Variants in DAB1 observed in about 807,000 individuals in gnomAD.
DAB1 encodes DAB adaptor protein 1, also known as disabled homolog 1.
In DAB1, 15 loss-of-function variants were observed where a neutral mutation model predicts 64.6. That is an observed-to-expected ratio of 0.23 (90% CI 0.16 to 0.36). The LOEUF (loss-of-function observed/expected upper bound fraction) is 0.36. Among genes scored for constraint, DAB1 ranks in the 10% least tolerant of loss-of-function variants. The pLI, the probability that DAB1 is intolerant of heterozygous loss-of-function variation, is 1.00. For synonymous variants in DAB1, 235 were observed against 251.9 expected, an observed-to-expected ratio of 0.93 and a Z score of 0.64; for missense variants, 596 against 706.7, an observed-to-expected ratio of 0.84 and a Z score of 1.78.
At chr1:58,357,025 C>CCAAA (rs1460473484) in intron 3 of DAB1, among the ~76,000 whole-genome samples, 2 of 68,346 alleles carry the variant, frequency 2.9e-5, no homozygotes, top group African/African-American at 8.9e-5. Flanking sequence ...GACCCTGTCT[C>CCAAA]CAAAAAAAAA....
chr1:57,856,355 G>A (rs1410899453), intron 1 of DAB1, among the ~76,000 whole-genome samples: 1 of 152,208 alleles, frequency 6.6e-6, no homozygotes, highest in Non-Finnish European at 1.5e-5. Context: ...TGCTCCCTAA[G>A]AGAGGAAGAG....
intron 7 of DAB1, among the ~76,000 whole-genome samples, chr1:57,588,484 A>T (rs1427925606): frequency 1.3e-5 from 2 of 152,226 alleles, no homozygotes; most frequent in Non-Finnish European, 2.9e-5. Flanking sequence ...AATACCAGAG[A>T]ATTAAAATCC....
At chr1:57,442,081 T>C (rs1221523731) in intron 7 of DAB1, among the ~76,000 whole-genome samples, 1 of 152,224 alleles carries the variant, frequency 6.6e-6, no homozygotes, top group Admixed American at 6.5e-5. Context: ...TCATTTCTAA[T>C]CTTAGTTCTG....
At chr1:57,351,081 A>G (rs1310898512) in intron 1 of DAB1, among the ~76,000 whole-genome samples, 1 of 152,148 alleles carries the variant, frequency 6.6e-6, no homozygotes. Flanking sequence ...TATCCACTTA[A>G]TGTTATGAAG....
chr1:57,633,299 C>T (rs763605812), intron 7 of DAB1, among the ~76,000 whole-genome samples: 3 of 152,212 alleles, frequency 2.0e-5, no homozygotes, highest in Non-Finnish European at 4.4e-5. Context: ...ACCAGAAGGG[C>T]TTGTGAAAAC....
intron 7 of DAB1, among the ~76,000 whole-genome samples, chr1:57,526,740 C>T (rs1029645697): frequency 6.6e-6 from 1 of 152,134 alleles, no homozygotes; most frequent in African/African-American, 2.4e-5. Flanking sequence ...TGTGAATGTT[C>T]AGACATTTGC....
chr1:57,568,946 A>T (rs1645157766), intron 7 of DAB1, among the ~76,000 whole-genome samples: 1 of 152,232 alleles, frequency 6.6e-6, no homozygotes, highest in Admixed American at 6.5e-5. Context: ...CCAAAGGATC[A>T]TAAATCATGC....
chr1:58,448,187 C>T (rs1645092542), intron 3 of DAB1, among the ~76,000 whole-genome samples: 1 of 152,180 alleles, frequency 6.6e-6, no homozygotes, highest in Non-Finnish European at 1.5e-5. Flanking sequence ...AATTTCAACA[C>T]ATGCACATAC....
chr1:57,570,371 G>A (rs747269806), intron 7 of DAB1, among the ~76,000 whole-genome samples: 11 of 141,858 alleles, frequency 7.8e-5, no homozygotes, highest in Admixed American at 1.5e-4. Context: ...TTGTGATTAC[G>A]TGAGTTAATA....
chr1:57,900,212 T>C (rs1644453458), intron 5 of DAB1, among the ~76,000 whole-genome samples: 1 of 152,140 alleles, frequency 6.6e-6, no homozygotes, highest in East Asian at 1.9e-4. Flanking sequence ...TCTCACGGCA[T>C]TGCTATTAGG....
chr1:57,811,629 A>T (rs926859359), intron 6 of DAB1, among the ~76,000 whole-genome samples: 2 of 152,206 alleles, frequency 1.3e-5, no homozygotes, highest in African/African-American at 2.4e-5. Context: ...TAACATTCAC[A>T]AGGTTTGGGG....
intron 5 of DAB1, among the ~76,000 whole-genome samples, chr1:57,961,150 A>C (rs1645511147): frequency 6.6e-6 from 1 of 152,212 alleles, no homozygotes; most frequent in Admixed American, 6.5e-5. Context: ...GGAGTTCAAT[A>C]ATTGTTAACT....
intron 3 of DAB1, among the ~76,000 whole-genome samples, chr1:58,369,419 T>C (rs576684640): frequency 1.3e-5 from 2 of 152,336 alleles, no homozygotes; most frequent in South Asian, 4.1e-4. Flanking sequence ...TTACAGCTGA[T>C]GCTATTTTAT....
At chr1:58,341,823 ATAGT>A (rs1257358860) in intron 4 of DAB1, among the ~76,000 whole-genome samples, 1 of 152,204 alleles carries the variant, frequency 6.6e-6, no homozygotes, top group East Asian at 1.9e-4. Flanking sequence ...ATGCGGGCAG[ATAGT>A]TAATGATTAT....
At chr1:58,147,663 AAAAAAAC>A (rs993981389) in intron 5 of DAB1, among the ~76,000 whole-genome samples, 1 of 152,066 alleles carries the variant, frequency 6.6e-6, no homozygotes, top group African/African-American at 2.4e-5. Context: ...GAGGCTTCTC[AAAAAAAC>A]AAAAATAGAA....
At chr1:57,601,241 C>A (rs549075434) in intron 7 of DAB1, among the ~76,000 whole-genome samples, 1 of 152,126 alleles carries the variant, frequency 6.6e-6, no homozygotes, top group Non-Finnish European at 1.5e-5. Context: ...ATTGAGCTAG[C>A]ATTTACACTT....
intron 5 of DAB1, among the ~76,000 whole-genome samples, chr1:57,965,221 T>C (rs1030797022): frequency 6.6e-6 from 1 of 152,188 alleles, no homozygotes; most frequent in Non-Finnish European, 1.5e-5. Context: ...CTATTTTATT[T>C]GGTAGGGACT....
At chr1:58,299,014 G>A (rs1485867548) in intron 4 of DAB1, among the ~76,000 whole-genome samples, 1 of 152,136 alleles carries the variant, frequency 6.6e-6, no homozygotes, top group Non-Finnish European at 1.5e-5. Context: ...CTGATTTTAT[G>A]TCTAAGGTGA....
intron 2 of DAB1, among the ~76,000 whole-genome samples, chr1:57,259,088 T>A (rs954721810): frequency 2.0e-5 from 3 of 152,230 alleles, no homozygotes; most frequent in Non-Finnish European, 4.4e-5. Flanking sequence ...ATCTGGCTAA[T>A]GTTACACACT....
Sources: allele counts gnomAD v4.1 joint callset (sites outside exome capture counted in the v4.1 genomes callset), GRCh38; gene constraint gnomAD v4.1.1; transcripts MANE v1.5; gene names NCBI Gene and HGNC (gene_info 2026-07-23, HGNC 2026-07-21).